The following MAGI2 variants were observed in gnomAD, a reference collection of about 807,000 sequenced individuals.
MAGI2 encodes membrane-associated guanylate kinase, WW and PDZ domain-containing protein 2.
A neutral mutation model predicts 133.3 loss-of-function variants in MAGI2; 35 were observed. The ratio of observed to expected loss-of-function variants is 0.26; its 90% CI spans 0.20 to 0.35. The LOEUF (loss-of-function observed/expected upper bound fraction) is 0.35. Ranked by LOEUF, MAGI2 falls within the 10% of genes least tolerant of loss-of-function variation. The probability of loss-of-function intolerance (pLI) is 1.00; values close to 1 mark genes in which losing one functional copy is unlikely to be tolerated. For synonymous variants in MAGI2, 729 were observed against 710.6 expected, an observed-to-expected ratio of 1.03 and a Z score of -0.41; for missense variants, 1,636 against 1,863.4, an observed-to-expected ratio of 0.88 and a Z score of 2.25.
At chr7:78,937,261 T>C (rs545113522) in intron 2 of MAGI2, among the ~76,000 whole-genome samples, 7 of 152,118 alleles carry the variant, frequency 4.6e-5, no homozygotes, top group South Asian at 4.1e-4. Context: ...TTATAAACCA[T>C]TGAAAAAAAG....
chr7:79,369,153 A>C (rs1264466263), intron 1 of MAGI2, among the ~76,000 whole-genome samples: 1 of 152,122 alleles, frequency 6.6e-6, no homozygotes, highest in African/African-American at 2.4e-5. Context: ...ACTTCAAATA[A>C]AGGGCTTGAG....
intron 1 of MAGI2, among the ~76,000 whole-genome samples, chr7:79,204,708 A>G (rs1236564992): frequency 6.6e-6 from 1 of 152,068 alleles, no homozygotes; most frequent in African/African-American, 2.4e-5. Flanking sequence ...AAAATACAGA[A>G]AAATACTTCA....
intron 1 of MAGI2, among the ~76,000 whole-genome samples, chr7:79,075,540 C>T (rs946574792): frequency 1.3e-5 from 2 of 152,088 alleles, no homozygotes; most frequent in Admixed American, 6.5e-5. Flanking sequence ...GTGGGCAGAT[C>T]GTTTGAGCCC....
At chr7:79,143,972 G>A (rs539011227) in intron 1 of MAGI2, among the ~76,000 whole-genome samples, 1 of 152,204 alleles carries the variant, frequency 6.6e-6, no homozygotes, top group African/African-American at 2.4e-5. Flanking sequence ...ACAGAAGATA[G>A]ATAATTAATA....
intron 2 of MAGI2, among the ~76,000 whole-genome samples, chr7:78,759,230 A>C (rs1428689335): frequency 2.0e-5 from 3 of 152,164 alleles, no homozygotes; most frequent in Non-Finnish European, 4.4e-5. Flanking sequence ...AAAAAAAACT[A>C]TAATTATTTT....
intron 1 of MAGI2, among the ~76,000 whole-genome samples, chr7:79,317,142 C>G (rs1367186552): frequency 2.0e-5 from 3 of 151,296 alleles, no homozygotes; most frequent in Admixed American, 1.3e-4. Flanking sequence ...CCTGTCTCAG[C>G]CTCCTGAGTA....
intron 14 of MAGI2, among the ~76,000 whole-genome samples, chr7:78,172,560 T>G (rs566227530): frequency 6.6e-6 from 1 of 152,382 alleles, no homozygotes. Flanking sequence ...TATTTAACTG[T>G]GAAAAGTATT....
chr7:78,091,050 GTA>G (rs1471919174), intron 20 of MAGI2, among the ~76,000 whole-genome samples: 1 of 104,994 alleles, frequency 9.5e-6, no homozygotes, highest in African/African-American at 3.5e-5. Flanking sequence ...GTATGTGTGT[GTA>G]TGTGTGTGTG....
At chr7:78,536,737 T>C (rs59934466) in intron 3 of MAGI2, among the ~76,000 whole-genome samples, 33,922 of 137,256 alleles carry the variant, frequency 0.25, 4,929 homozygotes, top group African/African-American at 0.43. Flanking sequence ...ATTTCAATAG[T>C]TTTTTTTTTG....
intron 1 of MAGI2, among the ~76,000 whole-genome samples, chr7:79,171,121 T>C (rs1005434522): frequency 6.6e-6 from 1 of 152,138 alleles, no homozygotes; most frequent in African/African-American, 2.4e-5. Flanking sequence ...ACTGGGTGGC[T>C]TGGAACTGCA....
At chr7:78,451,589 T>C (rs73148374) in intron 6 of MAGI2, among the ~76,000 whole-genome samples, 27,731 of 151,990 alleles carry the variant, frequency 0.18, 3,198 homozygotes, top group African/African-American at 0.33. Context: ...TGAGGAATCT[T>C]GGGCATGTTA....
intron 1 of MAGI2, among the ~76,000 whole-genome samples, chr7:79,188,972 C>T (rs1164415024): frequency 6.6e-5 from 10 of 151,788 alleles, no homozygotes. Context: ...TATAAATGTC[C>T]ACAATTATAA....
At chr7:79,258,088 C>T (rs1035918429) in intron 1 of MAGI2, among the ~76,000 whole-genome samples, 1 of 151,924 alleles carries the variant, frequency 6.6e-6, no homozygotes, top group Non-Finnish European at 1.5e-5. Context: ...TGGTTTTGTC[C>T]ATATTGATTT....
At chr7:78,307,018 T>C (rs185182939) in intron 9 of MAGI2, among the ~76,000 whole-genome samples, 9 of 152,268 alleles carry the variant, frequency 5.9e-5, no homozygotes, top group African/African-American at 1.9e-4. Context: ...CCTGGAAAAT[T>C]AAATTTTGTT....
chr7:78,806,633 A>G (rs979633604), intron 2 of MAGI2, among the ~76,000 whole-genome samples: 2 of 152,038 alleles, frequency 1.3e-5, no homozygotes, highest in Non-Finnish European at 2.9e-5. Context: ...TGGGAGGCTG[A>G]GTGGAGAGAA....
chr7:78,903,172 C>CTTTTTTTTTT lies in MAGI2; in HGVS notation c.418+103908_418+103917dup, dbSNP rs10526268. On this transcript the variant is annotated intron_variant, in intron 2 of 21. Transcript: ENST00000354212. The stretch of plus-strand genomic sequence containing the variant: ...TTCATGCAAGTGGGAGTTCCTGAAT[C>CTTTTTTTTTT]TTTTTTTTTTTTTTTTTTTTTTTTT... Among the ~76,000 whole-genome samples, 10 of 56,120 alleles carry CTTTTTTTTTT rather than the reference C, an allele frequency of 1.8e-4. 1 individual carries two copies. Among genetic ancestry groups the CTTTTTTTTTT allele is most frequent in the Non-Finnish European group, 3.2e-4 (10 of 30,844 alleles). 36.8% of individuals were successfully genotyped at this position (56,120 alleles called of 152,430 possible).
intron 2 of MAGI2, among the ~76,000 whole-genome samples, chr7:78,793,195 G>C (rs1410814068): frequency 6.6e-6 from 1 of 152,200 alleles, no homozygotes; most frequent in Non-Finnish European, 1.5e-5. Flanking sequence ...CCCAGAGAGA[G>C]GGGTGTAGAG....
chr7:78,802,111 C>T (rs945378774), intron 2 of MAGI2, among the ~76,000 whole-genome samples: 1 of 152,194 alleles, frequency 6.6e-6, no homozygotes, highest in Non-Finnish European at 1.5e-5. Flanking sequence ...ACGCTCTTTT[C>T]TGTACTCTTC....
chr7:78,867,396 T>C (rs1415700202), intron 2 of MAGI2, among the ~76,000 whole-genome samples: 2 of 150,962 alleles, frequency 1.3e-5, no homozygotes, highest in Admixed American at 6.6e-5. Flanking sequence ...TGTAGGGACA[T>C]GGATGAAATT....
Sources: gnomAD v4.1 joint callset for allele counts (sites outside exome capture counted in the v4.1 genomes callset) on GRCh38, gnomAD v4.1.1 for gene constraint, MANE v1.5 for transcripts, NCBI Gene and HGNC (gene_info 2026-07-23, HGNC 2026-07-21) for gene names.